Variants in SOBP observed in about 807,000 individuals in gnomAD.
SOBP encodes the protein sine oculis-binding protein homolog.
Under a neutral mutation model 53.6 loss-of-function variants are expected in SOBP, and 4 were observed. That is an observed-to-expected ratio of 0.07 (90% CI 0.04 to 0.17). The LOEUF is 0.17. Ranked by LOEUF, SOBP falls within the 10% of genes least tolerant of loss-of-function variation. SOBP has a pLI of 1.00. For missense variants in SOBP, 1,088 were observed against 1,204.7 expected, an observed-to-expected ratio of 0.90 and a Z score of 1.43; for synonymous variants, 584 against 522.6, an observed-to-expected ratio of 1.12 and a Z score of -1.60.
chr6:107,533,705 T>C, intron 4 of SOBP, 95 bp downstream of exon 4: 3 of 1,454,520 alleles, frequency 2.1e-6, no homozygotes, highest in African/African-American at 1.4e-5. Flanking sequence ...ACTGCGCACC[T>C]TTTACTTTTA....
At chr6:107,554,858 A>T (rs1784562302) in intron 4 of SOBP, among the ~76,000 whole-genome samples, 3 of 151,816 alleles carry the variant, frequency 2.0e-5, no homozygotes, top group Admixed American at 1.3e-4. Flanking sequence ...GAGGGCTGGG[A>T]TGGGGGGTGG....
chr6:107,584,534 G>A (rs1785506758), intron 4 of SOBP, among the ~76,000 whole-genome samples: 1 of 152,184 alleles, frequency 6.6e-6, no homozygotes. Context: ...ATGGCTGAAG[G>A]ATAGAATTTC....
intron 4 of SOBP, among the ~76,000 whole-genome samples, chr6:107,571,633 G>A (rs925751245): frequency 3.3e-5 from 5 of 152,210 alleles, no homozygotes; most frequent in Non-Finnish European, 7.3e-5. Context: ...GCCATATGAC[G>A]GGGAAGAGAG....
intron 5 of SOBP, among the ~76,000 whole-genome samples, chr6:107,613,284 T>G (rs1786665763): frequency 3.3e-5 from 5 of 152,244 alleles, no homozygotes; most frequent in Admixed American, 3.3e-4. Flanking sequence ...CATTTAGAGT[T>G]TCTCGAAGGT....
chr6:107,542,258 A>AAGTGACGGAGCT (rs1359501255), intron 4 of SOBP, among the ~76,000 whole-genome samples: 1 of 152,124 alleles, frequency 6.6e-6, no homozygotes, highest in Non-Finnish European at 1.5e-5. Flanking sequence ...GGACAGAAGG[A>AAGTGACGGAGCT]AGTGACGGAG....
At position 107,644,304 on chromosome 6, in the gene SOBP, AAAACAAAAAAC is replaced by A. The variant is rs563782938; in HGVS notation, c.*3+8847_*3+8857del. Among the ~76,000 whole-genome samples the A allele has an allele frequency of 5.6e-3, 852 of 152,354 alleles. 6 individuals carry two copies. The highest frequency in any genetic ancestry group is 0.02 in the African/African-American group (814 of 41,578). On this transcript the variant is annotated intron_variant, in intron 6 of 6. Coordinates refer to ENST00000317357, the MANE Select transcript of SOBP (RefSeq NM_018013.4). ...GGGCGACACAGTGAGACTCCATCTC[AAAACAAAAAAC>A]AAACAAAAAACTTCCCATTAGAGTG... is the stretch of plus-strand genomic sequence containing the variant.
In SOBP at chr6:107,559,399, A is replaced by G. The variant is rs184063212; in HGVS notation, c.573+25789A>G. On this transcript the variant is annotated intron_variant, in intron 4 of 6. Coordinates refer to ENST00000317357, the MANE Select transcript of SOBP (RefSeq NM_018013.4). The stretch of plus-strand genomic sequence containing the variant: ...TGACCAGCATATTTTTCTCCCTTCA[A>G]TATACACATCCTTTAGTACAAAGTA... 2.8e-3 allele frequency among the ~76,000 whole-genome samples: 422 copies of G among 152,350 alleles called. 3 individuals are homozygous for G. The highest frequency in any genetic ancestry group is 9.7e-3 in the African/African-American group (403 of 41,582).
chr6:107,659,072 G>A lies in SOBP; in HGVS notation c.*869G>A, dbSNP rs963472149. 2 of 152,566 alleles carry A rather than the reference G, an allele frequency of 1.3e-5. No individual in the cohort carries two copies. The highest frequency in any genetic ancestry group is 6.5e-5 in the Admixed American group (1 of 15,274). 9.5% of individuals were successfully genotyped at this position (152,566 alleles called of 1,614,324 possible). A position where few individuals can be genotyped will look rare whatever the true frequency, so the allele number is the denominator to read the frequency against. Reference sequence around the variant, plus strand: ...AACTGAAGACCAAAATGCCCTCAAGGTGTAAAATAATCCGAGGGGGAATAT... The same window carrying A: ...AACTGAAGACCAAAATGCCCTCAAGATGTAAAATAATCCGAGGGGGAATAT... On this transcript the variant is annotated 3_prime_UTR_variant, in exon 7 of 7. Coordinates refer to ENST00000317357, the MANE Select transcript of SOBP (RefSeq NM_018013.4).
intron 4 of SOBP, among the ~76,000 whole-genome samples, chr6:107,558,671 A>AAAATATAATAAATATATTTTATATATG (rs1784688533): frequency 6.6e-6 from 1 of 151,114 alleles, no homozygotes; most frequent in Non-Finnish European, 1.5e-5. Flanking sequence ...GTAAATTAAT[A>AAAATATAATAAATATATTTTATATATG]AAATATAATA....
At chr6:107,589,358 G>A (rs1489551197) in intron 5 of SOBP, among the ~76,000 whole-genome samples, 1 of 152,092 alleles carries the variant, frequency 6.6e-6, no homozygotes, top group Non-Finnish European at 1.5e-5. Context: ...CCAGGTAGAC[G>A]GGACATTGCC....
intron 6 of SOBP, among the ~76,000 whole-genome samples, chr6:107,644,020 A>T (rs1209824147): frequency 6.6e-6 from 1 of 152,186 alleles, no homozygotes; most frequent in Non-Finnish European, 1.5e-5. Context: ...TGAGTCCCAC[A>T]CGTGAGCGTG....
In SOBP at chr6:107,634,752, G is replaced by C; in HGVS notation, c.1908G>C (p.Ala636=). 9 of 1,333,982 alleles carry C rather than the reference G, an allele frequency of 6.7e-6. No homozygotes were observed. The highest frequency in any genetic ancestry group is 8.6e-6 in the Non-Finnish European group (9 of 1,050,824). The allele number at this position is 1,333,982 out of a possible 1,614,324, so 82.6% of individuals were successfully genotyped here. Residue 636 remains alanine (A), a synonymous_variant, in exon 6 of 7, where the codon GCG becomes GCC. Coordinates refer to ENST00000317357, the MANE Select transcript of SOBP (RefSeq NM_018013.4). The surrounding 1 kb of genome is among the most constrained non-coding windows in gnomAD (Gnocchi z 4.5). Reference sequence around the variant, plus strand: ...GCAGCCCCCCGGGCCCCCCGGGCGCGGGCGGCCAGCTCGGCTTCCCAGGCG... The same window carrying C: ...GCAGCCCCCCGGGCCCCCCGGGCGCCGGCGGCCAGCTCGGCTTCCCAGGCG... ...RAGSPPGPPG[A]GGQLGFPGVL... is the part of the protein sequence containing the mutation.
At chr6:107,627,290 T>C (rs1377361550) in intron 5 of SOBP, among the ~76,000 whole-genome samples, 4 of 152,198 alleles carry the variant, frequency 2.6e-5, no homozygotes, top group African/African-American at 4.8e-5. Context: ...ATCTCTTGCA[T>C]TGGCTGTAGA....
intron 3 of SOBP, among the ~76,000 whole-genome samples, chr6:107,531,570 C>A (rs1252875935): frequency 6.6e-6 from 1 of 151,676 alleles, no homozygotes; most frequent in Non-Finnish European, 1.5e-5. Context: ...AGAGAGATGC[C>A]ATATTAGAGA....
intron 1 of SOBP, among the ~76,000 whole-genome samples, chr6:107,502,246 A>G (rs1396644740): frequency 6.6e-6 from 1 of 152,198 alleles, no homozygotes; most frequent in East Asian, 1.9e-4. Context: ...TGTTTCAGGT[A>G]TATAAATTAT....
chr6:107,641,382 C>A (rs923262434), intron 6 of SOBP, among the ~76,000 whole-genome samples: 4 of 152,216 alleles, frequency 2.6e-5, no homozygotes, highest in African/African-American at 9.6e-5. Flanking sequence ...AAGAAATAAG[C>A]TAGATACTTC....
intron 5 of SOBP, among the ~76,000 whole-genome samples, chr6:107,596,108 A>G (rs1195938768): frequency 6.6e-6 from 1 of 152,192 alleles, no homozygotes; most frequent in Non-Finnish European, 1.5e-5. Flanking sequence ...TTGTGTGTCA[A>G]GAGCCTTGTC....
At chr6:107,509,028 A>G (rs1341792839) in intron 3 of SOBP, among the ~76,000 whole-genome samples, 2 of 152,206 alleles carry the variant, frequency 1.3e-5, no homozygotes, top group East Asian at 3.9e-4. Context: ...AGCTCTCTTC[A>G]CTTCAGTTTT....
intron 3 of SOBP, among the ~76,000 whole-genome samples, chr6:107,512,681 T>G (rs951958689): frequency 3.3e-5 from 5 of 152,192 alleles, no homozygotes; most frequent in Admixed American, 3.3e-4. Flanking sequence ...AGACCAGGAC[T>G]TTTTCCCCTC....
Sources: allele counts gnomAD v4.1 joint callset (sites outside exome capture counted in the v4.1 genomes callset), GRCh38; gene constraint gnomAD v4.1.1; non-coding constraint Gnocchi (gnomAD v3.1); transcripts MANE v1.5; gene names NCBI Gene and HGNC (gene_info 2026-07-23, HGNC 2026-07-21).